The following NKAIN2 variants were observed in gnomAD, a reference collection of about 807,000 sequenced individuals.
NKAIN2 encodes sodium/potassium-transporting ATPase subunit beta-1-interacting protein 2.
A neutral mutation model predicts 32.6 loss-of-function variants in NKAIN2; 14 were observed. The ratio of observed to expected loss-of-function variants is 0.43; its 90% CI spans 0.28 to 0.67. The LOEUF is 0.67. NKAIN2 is among the 30% of genes least tolerant of loss of function. The pLI is 0.17. For missense variants in NKAIN2, 198 were observed against 258.3 expected, an observed-to-expected ratio of 0.77 and a Z score of 1.60; for synonymous variants, 80 against 87.2, an observed-to-expected ratio of 0.92 and a Z score of 0.46.
At chr6:124,401,791 T>A (rs1773636436) in intron 3 of NKAIN2, among the ~76,000 whole-genome samples, 1 of 152,224 alleles carries the variant, frequency 6.6e-6, no homozygotes, top group Non-Finnish European at 1.5e-5. Flanking sequence ...CAGTGCTTTA[T>A]AAAATCTGGT....
intron 3 of NKAIN2, among the ~76,000 whole-genome samples, chr6:124,573,843 GC>G (rs755111290): frequency 6.6e-6 from 1 of 152,156 alleles, no homozygotes; most frequent in Non-Finnish European, 1.5e-5. Flanking sequence ...CTCTGAGAGT[GC>G]AACTGACTTT....
At chr6:123,867,045 T>G (rs1772562036) in intron 1 of NKAIN2, among the ~76,000 whole-genome samples, 1 of 152,174 alleles carries the variant, frequency 6.6e-6, no homozygotes, top group Non-Finnish European at 1.5e-5. Context: ...CCTTCTGACC[T>G]CCACTATTAT....
chr6:124,181,110 G>C (rs148394417), intron 1 of NKAIN2, among the ~76,000 whole-genome samples: 13 of 152,130 alleles, frequency 8.5e-5, no homozygotes, highest in Non-Finnish European at 1.5e-4. Context: ...CTTGACTTCT[G>C]TGTACCTGCA....
chr6:124,295,745 C>T (rs1156562340), intron 2 of NKAIN2, among the ~76,000 whole-genome samples: 1 of 152,114 alleles, frequency 6.6e-6, no homozygotes, highest in African/African-American at 2.4e-5. Flanking sequence ...CAAAACAATT[C>T]TCAGGGCACA....
In NKAIN2 at chr6:123,898,432, C is replaced by T. The variant is rs572996077; in HGVS notation, c.54+94178C>T. Among the ~76,000 whole-genome samples, 11 of 152,258 alleles carry T rather than the reference C, an allele frequency of 7.2e-5. No homozygotes were observed. The South Asian group carries it at 2.3e-3, about 32-fold the overall frequency. ...CAAATTATGGATGAAAATACATAAG[C>T]AGCAGAGCAAATTTCAGAATCCCAT... On this transcript the variant is annotated intron_variant, in intron 1 of 6. Coordinates refer to ENST00000368417, the MANE Select transcript of NKAIN2 (RefSeq NM_001040214.3).
intron 1 of NKAIN2, among the ~76,000 whole-genome samples, chr6:123,814,978 G>C (rs1582578529): frequency 6.6e-6 from 1 of 152,290 alleles, no homozygotes; most frequent in East Asian, 1.9e-4. Flanking sequence ...AGGAAATTAA[G>C]TAATTACTAA....
chr6:123,820,613 T>C (rs964754113), intron 1 of NKAIN2, among the ~76,000 whole-genome samples: 1 of 152,128 alleles, frequency 6.6e-6, no homozygotes, highest in Admixed American at 6.6e-5. Context: ...ATCTAGGTGG[T>C]TGTGCCAGAC....
At chr6:123,895,516 A>G (rs899486413) in intron 1 of NKAIN2, among the ~76,000 whole-genome samples, 1 of 151,286 alleles carries the variant, frequency 6.6e-6, no homozygotes, top group East Asian at 1.9e-4. Flanking sequence ...ATCCTATGCT[A>G]TGAATCAGCT....
chr6:124,552,929 C>G (rs1399347789), intron 3 of NKAIN2, among the ~76,000 whole-genome samples: 1 of 152,170 alleles, frequency 6.6e-6, no homozygotes, highest in Non-Finnish European at 1.5e-5. Context: ...TCGTGTACTC[C>G]AAACCGCTCA....
chr6:124,649,301 A>C (rs1784283772), intron 3 of NKAIN2, among the ~76,000 whole-genome samples: 1 of 152,194 alleles, frequency 6.6e-6, no homozygotes, highest in Non-Finnish European at 1.5e-5. Context: ...ATAACTACAG[A>C]TATCTGGACA....
intron 1 of NKAIN2, among the ~76,000 whole-genome samples, chr6:124,233,576 A>C (rs554514832): frequency 3.9e-5 from 6 of 152,256 alleles, no homozygotes; most frequent in Admixed American, 2.6e-4. Context: ...ATTCACTCTC[A>C]CATTTAAGAA....
intron 3 of NKAIN2, among the ~76,000 whole-genome samples, chr6:124,426,996 C>T (rs1339953070): frequency 6.6e-6 from 1 of 152,142 alleles, no homozygotes; most frequent in African/African-American, 2.4e-5. Context: ...ATAAATTGCC[C>T]AGTCTCAGGC....
intron 1 of NKAIN2, among the ~76,000 whole-genome samples, chr6:124,216,658 A>G (rs2114679192): frequency 6.6e-6 from 1 of 152,340 alleles, no homozygotes; most frequent in African/African-American, 2.4e-5. Context: ...GATGAGCCTC[A>G]TGGAGAAAAT....
At chr6:123,887,666 A>G (rs1214676873) in intron 1 of NKAIN2, among the ~76,000 whole-genome samples, 1 of 152,130 alleles carries the variant, frequency 6.6e-6, no homozygotes, top group African/African-American at 2.4e-5. Context: ...GGAAGATGAG[A>G]TCTTACCAAA....
chr6:124,515,946 T>C (rs1029952273), intron 3 of NKAIN2, among the ~76,000 whole-genome samples: 8 of 152,146 alleles, frequency 5.3e-5, no homozygotes, highest in Admixed American at 1.3e-4. Flanking sequence ...TAATGCACTT[T>C]TAAATATTTA....
At chr6:123,934,728 G>T (rs1263780735) in intron 1 of NKAIN2, among the ~76,000 whole-genome samples, 2 of 152,032 alleles carry the variant, frequency 1.3e-5, no homozygotes, top group African/African-American at 2.4e-5. Context: ...TTTCAGGAAG[G>T]AATTTACATT....
intron 1 of NKAIN2, among the ~76,000 whole-genome samples, chr6:124,146,298 C>T (rs1251421067): frequency 6.6e-6 from 1 of 151,536 alleles, no homozygotes; most frequent in Non-Finnish European, 1.5e-5. Context: ...CTTTTCAGAA[C>T]TACAATTAGA....
At chr6:124,470,787 C>CA (rs1303406581) in intron 3 of NKAIN2, among the ~76,000 whole-genome samples, 3 of 151,830 alleles carry the variant, frequency 2.0e-5, no homozygotes, top group African/African-American at 4.8e-5. Flanking sequence ...TGAGTTATAG[C>CA]AAAAAAACAA....
intron 3 of NKAIN2, among the ~76,000 whole-genome samples, chr6:124,473,754 G>A (rs9320993): frequency 0.45 from 67,875 of 151,938 alleles, 16,047 homozygotes; most frequent in South Asian, 0.59. Flanking sequence ...TGACTTCTAA[G>A]ATGCTGATTC....
Sources: gnomAD v4.1 joint callset for allele counts (sites outside exome capture counted in the v4.1 genomes callset) on GRCh38, gnomAD v4.1.1 for gene constraint, MANE v1.5 for transcripts, NCBI Gene and HGNC (gene_info 2026-07-23, HGNC 2026-07-21) for gene names.